Variants in RNF185 observed in about 807,000 individuals in gnomAD.
The protein encoded by RNF185 is ring finger protein 185, also known as E3 ubiquitin-protein ligase RNF185.
A neutral mutation model predicts 24.9 loss-of-function variants in RNF185; 13 were observed. That is an observed-to-expected ratio of 0.52 (90% CI 0.34 to 0.83). The LOEUF (loss-of-function observed/expected upper bound fraction) is 0.83. RNF185 is among the 40% of genes least tolerant of loss of function. RNF185 has a pLI of 0.01. For synonymous variants in RNF185, 79 were observed against 90.3 expected, an observed-to-expected ratio of 0.88 and a Z score of 0.71; for missense variants, 184 against 244.7, an observed-to-expected ratio of 0.75 and a Z score of 1.65.
At chr22:31,186,257 C>T (rs1015863474) in intron 1 of RNF185, among the ~76,000 whole-genome samples, 1 of 152,110 alleles carries the variant, frequency 6.6e-6, no homozygotes, top group Admixed American at 6.6e-5. Context: ...GATGATCTTT[C>T]TGGTCCTTAT....
intron 1 of RNF185, among the ~76,000 whole-genome samples, chr22:31,160,566 T>A (rs1186584578): frequency 6.6e-6 from 1 of 152,176 alleles, no homozygotes; most frequent in Non-Finnish European, 1.5e-5. Flanking sequence ...GGGCACTGAT[T>A]CCCATTCTAT....
chr22:31,206,178 T>C lies in RNF185; in HGVS notation c.*1592T>C, dbSNP rs2048312825. Reference sequence around the variant, plus strand: ...ATGGAAACAAAGATCTTGAGGAAGATGAGGGAAGCCCTCCCCTCTTCACAG... The same window carrying C: ...ATGGAAACAAAGATCTTGAGGAAGACGAGGGAAGCCCTCCCCTCTTCACAG... On this transcript the variant is annotated 3_prime_UTR_variant, in exon 7 of 7. Transcript: ENST00000326132. 6.5e-6 allele frequency: 1 copy of C among 152,812 alleles called. No individual in the cohort carries two copies. Among genetic ancestry groups the C allele is most frequent in the Non-Finnish European group, 1.5e-5 (1 of 68,172 alleles). The allele number at this position is 152,812 out of a possible 1,614,324, so 9.5% of individuals were successfully genotyped here. A position where few individuals can be genotyped will look rare whatever the true frequency, so the allele number is the denominator to read the frequency against.
chr22:31,184,025 C>CA, intron 1 of RNF185, among the ~76,000 whole-genome samples: 1 of 150,282 alleles, frequency 6.7e-6, no homozygotes. Flanking sequence ...TGCCCCCCCC[C>CA]ACCTCCCGGA....
At chr22:31,166,444 C>T (rs1923924491) in intron 1 of RNF185, among the ~76,000 whole-genome samples, 1 of 152,138 alleles carries the variant, frequency 6.6e-6, no homozygotes, top group African/African-American at 2.4e-5. Flanking sequence ...TAGTTGGAAT[C>T]ACTCACTGTA....
intron 1 of RNF185, among the ~76,000 whole-genome samples, chr22:31,183,671 A>G (rs1419843036): frequency 2.6e-5 from 4 of 152,212 alleles, no homozygotes; most frequent in Non-Finnish European, 5.9e-5. Context: ...TAGTGGACAC[A>G]GCACATGTTT....
At chr22:31,175,600 A>G (rs886503475) in intron 1 of RNF185, among the ~76,000 whole-genome samples, 1 of 152,160 alleles carries the variant, frequency 6.6e-6, no homozygotes, top group African/African-American at 2.4e-5. Context: ...TCAAAGTTAC[A>G]AATATAAATA....
At chr22:31,187,334 G>C in intron 2 of RNF185, 64 bp downstream of exon 2, 1 of 1,577,528 alleles carries the variant, frequency 6.3e-7, no homozygotes, top group East Asian at 2.3e-5. Context: ...GTGGCCCTGG[G>C]TGGTTTGGAG....
At chr22:31,174,906 C>T (rs761140947) in intron 1 of RNF185, among the ~76,000 whole-genome samples, 7 of 151,132 alleles carry the variant, frequency 4.6e-5, no homozygotes, top group East Asian at 3.9e-4. Flanking sequence ...TCGGCCTCTA[C>T]GAAAAATACC....
intron 1 of RNF185, among the ~76,000 whole-genome samples, chr22:31,173,451 A>G (rs1215755188): frequency 6.7e-6 from 1 of 148,740 alleles, no homozygotes; most frequent in Non-Finnish European, 1.5e-5. Context: ...ACGTATGTAT[A>G]TATCAGGTGC....
intron 1 of RNF185, among the ~76,000 whole-genome samples, chr22:31,166,899 C>G (rs999596459): frequency 3.3e-5 from 5 of 152,146 alleles, no homozygotes; most frequent in African/African-American, 7.2e-5. Flanking sequence ...ATCCACCCAC[C>G]TCAGCCTCCC....
chr22:31,165,686 G>A lies in RNF185; in HGVS notation c.-49+5383G>A, dbSNP rs552126228. Among the ~76,000 whole-genome samples, 9 of 152,320 alleles carry A rather than the reference G, an allele frequency of 5.9e-5. No individual in the cohort carries two copies. The South Asian group carries it at 1.7e-3, about 28-fold the overall frequency. On this transcript the variant is annotated intron_variant, in intron 1 of 6. Coordinates refer to ENST00000326132, the MANE Select transcript of RNF185 (RefSeq NM_152267.4). ...CCATGTGGAGTTGGAGTGGCCATGG[G>A]CAAGTGAAAGGAAGGGTACTATTTG...
chr22:31,194,671 T>C (rs1207334272), intron 3 of RNF185, among the ~76,000 whole-genome samples: 1 of 151,838 alleles, frequency 6.6e-6, no homozygotes, highest in Non-Finnish European at 1.5e-5. Flanking sequence ...GGGGTTGCAG[T>C]GACCTGAGAT....
chr22:31,192,749 A>G (rs189126468), intron 3 of RNF185, 47 bp downstream of exon 3: 19,435 of 1,583,970 alleles, frequency 0.012, 140 homozygotes, highest in Non-Finnish European at 0.014. Flanking sequence ...CTCTGGTTGC[A>G]CAAGAGAGCC....
chr22:31,190,168 A>G (rs886711923), intron 2 of RNF185, among the ~76,000 whole-genome samples: 3 of 152,254 alleles, frequency 2.0e-5, no homozygotes, highest in Admixed American at 6.5e-5. Flanking sequence ...TGGATTACAT[A>G]TCCAACAGCG....
intron 1 of RNF185, among the ~76,000 whole-genome samples, chr22:31,176,958 T>C (rs1041687387): frequency 6.6e-6 from 1 of 152,194 alleles, no homozygotes; most frequent in African/African-American, 2.4e-5. Flanking sequence ...GTTAAAATCA[T>C]GGAGCCCTTT....
At chr22:31,187,487 A>G (rs2048111784) in intron 2 of RNF185, among the ~76,000 whole-genome samples, 1 of 152,178 alleles carries the variant, frequency 6.6e-6, no homozygotes, top group Non-Finnish European at 1.5e-5. Flanking sequence ...CCCCATCTCT[A>G]AAGTAATAAT....
chr22:31,195,391 G>A, intron 3 of RNF185, 78 bp from the exon 4 acceptor site: 1 of 928,868 alleles, frequency 1.1e-6, no homozygotes. Context: ...CCTCTGGCCT[G>A]TGTTGTTCTG....
At chr22:31,168,391 A>G (rs566116441) in intron 1 of RNF185, among the ~76,000 whole-genome samples, 1 of 152,300 alleles carries the variant, frequency 6.6e-6, no homozygotes, top group Non-Finnish European at 1.5e-5. Context: ...ATGTTGTAGC[A>G]TATGTGAGAA....
Position 31,197,006 on chromosome 22 carries a change from G to C in RNF185, c.363+16G>C. 1.9e-6 allele frequency: 3 copies of C among 1,613,510 alleles called. No individual in the cohort carries two copies. In the South Asian group the frequency reaches 3.3e-5, roughly 18 times the overall value. On this transcript the variant is annotated intron_variant, in intron 5 of 6. Coordinates refer to ENST00000326132, the MANE Select transcript of RNF185 (RefSeq NM_152267.4). ...GAATAGAGGGGTGAGGAACATTCTA[G>C]GAGAAGCTTCTACAAATGAGCTGAT...
Sources: gnomAD v4.1 joint callset for allele counts (sites outside exome capture counted in the v4.1 genomes callset) on GRCh38, gnomAD v4.1.1 for gene constraint, MANE v1.5 for transcripts, NCBI Gene and HGNC (gene_info 2026-07-23, HGNC 2026-07-21) for gene names.